SGCZ: variants seen among roughly 807,000 people sequenced by gnomAD.
SGCZ encodes the protein sarcoglycan zeta.
In SGCZ, 40 loss-of-function variants were observed where a neutral mutation model predicts 41.3. That is an observed-to-expected ratio of 0.97 (90% CI 0.75 to 1.26). The LOEUF (loss-of-function observed/expected upper bound fraction) is 1.26. Among genes scored for constraint, SGCZ ranks in the 50% most tolerant of loss-of-function variants. The probability of loss-of-function intolerance (pLI) is 0.00; values close to 1 mark genes in which losing one functional copy is unlikely to be tolerated. For missense variants in SGCZ, 552 were observed against 369.8 expected (o/e 1.49, Z -4.04); for synonymous variants, 206 against 137.5 (o/e 1.50, Z -3.49).
At chr8:15,123,753 G>C (rs1807571051) in intron 1 of SGCZ, among the ~76,000 whole-genome samples, 1 of 152,152 alleles carries the variant, frequency 6.6e-6, no homozygotes, top group South Asian at 2.1e-4. Context: ...TGGAAATCAG[G>C]AATAAATAGG....
intron 1 of SGCZ, among the ~76,000 whole-genome samples, chr8:15,098,842 T>C (rs1806488190): frequency 6.6e-6 from 1 of 152,196 alleles, no homozygotes; most frequent in South Asian, 2.1e-4. Context: ...GCGGATCACC[T>C]GAGGTCAGGA....
chr8:14,552,556 C>G (rs1328570096), intron 2 of SGCZ, among the ~76,000 whole-genome samples: 1 of 152,036 alleles, frequency 6.6e-6, no homozygotes, highest in East Asian at 1.9e-4. Context: ...TACCAACACT[C>G]CTATGGAAAC....
intron 1 of SGCZ, among the ~76,000 whole-genome samples, chr8:14,742,630 A>G (rs932399043): frequency 6.6e-6 from 1 of 152,054 alleles, no homozygotes; most frequent in Admixed American, 6.6e-5. Flanking sequence ...TACATAACCC[A>G]GATAATCTTA....
At chr8:14,146,890 A>AAAAAAAAAATAATAATAATAAT (rs1182329393) in intron 5 of SGCZ, among the ~76,000 whole-genome samples, 1 of 116,184 alleles carries the variant, frequency 8.6e-6, no homozygotes, top group African/African-American at 3.6e-5. Flanking sequence ...AAAATAAAAA[A>AAAAAAAAAATAATAATAATAAT]AATAATAATA....
At chr8:14,740,171 T>G (rs1259187271) in intron 1 of SGCZ, among the ~76,000 whole-genome samples, 1 of 152,054 alleles carries the variant, frequency 6.6e-6, no homozygotes, top group Non-Finnish European at 1.5e-5. Context: ...CTAGAGTCAT[T>G]GACTTTAATA....
chr8:14,926,742 G>C (rs2130799242), intron 1 of SGCZ, among the ~76,000 whole-genome samples: 1 of 152,086 alleles, frequency 6.6e-6, no homozygotes, highest in East Asian at 1.9e-4. Flanking sequence ...TCTGGTTCAA[G>C]CGATTCTCCT....
At chr8:14,443,176 G>A (rs1800324002) in intron 2 of SGCZ, among the ~76,000 whole-genome samples, 1 of 152,148 alleles carries the variant, frequency 6.6e-6, no homozygotes, top group Admixed American at 6.6e-5. Context: ...GAAACAAATG[G>A]AAGAATATTC....
At chr8:15,150,407 G>A (rs572630201) in intron 1 of SGCZ, among the ~76,000 whole-genome samples, 1 of 152,240 alleles carries the variant, frequency 6.6e-6, no homozygotes, top group African/African-American at 2.4e-5. Context: ...CCATTGAAAA[G>A]GTTTCCTTCG....
intron 1 of SGCZ, among the ~76,000 whole-genome samples, chr8:15,211,092 G>GAT (rs568121990): frequency 1.8e-4 from 27 of 150,418 alleles, no homozygotes; most frequent in Admixed American, 3.3e-4. Context: ...TATAGATATA[G>GAT]ATATATATAG....
intron 1 of SGCZ, among the ~76,000 whole-genome samples, chr8:15,061,522 A>G (rs900351385): frequency 7.4e-6 from 1 of 134,640 alleles, no homozygotes. Context: ...CCCAGAACTT[A>G]CAGTATATAA....
At chr8:14,896,482 T>C in intron 1 of SGCZ, among the ~76,000 whole-genome samples, 1 of 150,756 alleles carries the variant, frequency 6.6e-6, no homozygotes, top group East Asian at 1.9e-4. Context: ...ATTATCATTA[T>C]TATGATTATT....
chr8:14,551,666 T>C (rs1280515324), intron 2 of SGCZ, among the ~76,000 whole-genome samples: 9 of 115,932 alleles, frequency 7.8e-5, no homozygotes, highest in Non-Finnish European at 1.5e-4. Flanking sequence ...TGAAAGTATG[T>C]ATGTATGTAT....
Position 14,624,555 on chromosome 8 carries a change from A to ATTATTATTTTT in SGCZ, c.40-69630_40-69629insAAAAATAATAA, listed in dbSNP as rs1438250019. On this transcript the variant is annotated intron_variant, in intron 1 of 7. Transcript: ENST00000382080. ...ATCACTCCCCAATTTTATTATTATT[A>ATTATTATTTTT]TTTTTTTTTTTTTTTTTTTTTTTTT... is the stretch of plus-strand genomic sequence containing the variant. 7.9e-4 allele frequency among the ~76,000 whole-genome samples: 76 copies of ATTATTATTTTT among 96,236 alleles called. 1 individual carries two copies. The highest frequency in any genetic ancestry group is 1.0e-3 in the Non-Finnish European group (52 of 50,564). 63.1% of individuals were successfully genotyped at this position (96,236 alleles called of 152,430 possible).
At chr8:14,782,066 T>A (rs1238273561) in intron 1 of SGCZ, among the ~76,000 whole-genome samples, 2 of 152,174 alleles carry the variant, frequency 1.3e-5, no homozygotes, top group African/African-American at 4.8e-5. Context: ...TTGTACAATG[T>A]CCTTTTGATA....
intron 1 of SGCZ, among the ~76,000 whole-genome samples, chr8:14,752,909 C>T (rs1281863929): frequency 6.6e-6 from 1 of 152,198 alleles, no homozygotes; most frequent in East Asian, 1.9e-4. Context: ...AAATGATAGT[C>T]TGAGTCACCT....
At position 14,962,021 on chromosome 8, in the gene SGCZ, A is replaced by G. The variant is rs367875890; in HGVS notation, c.39+275564T>C. On this transcript the variant is annotated intron_variant, in intron 1 of 7. Transcript: ENST00000382080. ...TATCATATGTATCATTTTCCAATTA[A>G]TCTGAAAAACTTTAAGACCAAGTAA... Among the ~76,000 whole-genome samples, 33 of 152,270 alleles carry G rather than the reference A, an allele frequency of 2.2e-4. No individual in the cohort carries two copies. In the South Asian group the frequency reaches 6.8e-3, roughly 32 times the overall value.
intron 2 of SGCZ, among the ~76,000 whole-genome samples, chr8:14,343,652 T>G (rs190767019): frequency 1.6e-4 from 24 of 152,270 alleles, no homozygotes; most frequent in South Asian, 4.2e-4. Context: ...CAGTGTTCAT[T>G]TCGGAGCCAT....
intron 5 of SGCZ, among the ~76,000 whole-genome samples, chr8:14,136,201 G>GA (rs1322450799): frequency 1.3e-5 from 2 of 151,986 alleles, no homozygotes; most frequent in African/African-American, 4.8e-5. Context: ...GGCCGAAAAG[G>GA]AAAAACTCCA....
intron 2 of SGCZ, among the ~76,000 whole-genome samples, chr8:14,542,889 C>G (rs181951478): frequency 1.2e-3 from 181 of 152,064 alleles, no homozygotes; most frequent in African/African-American, 4.1e-3. Context: ...AATGAGTTAG[C>G]TACTATTACC....
Sources: allele counts gnomAD v4.1 joint callset (sites outside exome capture counted in the v4.1 genomes callset), GRCh38; gene constraint gnomAD v4.1.1; transcripts MANE v1.5; gene names NCBI Gene and HGNC (gene_info 2026-07-23, HGNC 2026-07-21).